PCDH15: variants seen among roughly 807,000 people sequenced by gnomAD.
The protein encoded by PCDH15 is protocadherin related 15, also known as protocadherin-15.
In PCDH15, 129 loss-of-function variants were observed where a neutral mutation model predicts 178.5. That is an observed-to-expected ratio of 0.72 (90% CI 0.63 to 0.84). The LOEUF (loss-of-function observed/expected upper bound fraction) is 0.84. Ranked by LOEUF, PCDH15 falls within the 40% of genes least tolerant of loss-of-function variation. The pLI, the probability that PCDH15 is intolerant of heterozygous loss-of-function variation, is 0.00. For missense variants in PCDH15, 2,230 were observed against 2,099.9 expected, an observed-to-expected ratio of 1.06 and a Z score of -1.21; for synonymous variants, 800 against 732.0, an observed-to-expected ratio of 1.09 and a Z score of -1.50.
chr10:55,474,584 A>G (rs1840027356), intron 2 of PCDH15, among the ~76,000 whole-genome samples: 2 of 152,184 alleles, frequency 1.3e-5, no homozygotes, highest in African/African-American at 4.8e-5. Context: ...CTCAAAATAT[A>G]AGTTATTGTA....
At chr10:55,619,633 T>G (rs1589191588) in intron 2 of PCDH15, among the ~76,000 whole-genome samples, 1 of 152,172 alleles carries the variant, frequency 6.6e-6, no homozygotes, top group South Asian at 2.1e-4. Flanking sequence ...GTACTTAAAG[T>G]AATAACTGGC....
intron 11 of PCDH15, among the ~76,000 whole-genome samples, chr10:54,187,776 T>A (rs1274798717): frequency 6.6e-6 from 1 of 151,874 alleles, no homozygotes; most frequent in Non-Finnish European, 1.5e-5. Context: ...TACATTTATG[T>A]ATATTTAAAA....
intron 2 of PCDH15, among the ~76,000 whole-genome samples, chr10:55,496,994 C>A (rs1332482613): frequency 6.6e-6 from 1 of 151,718 alleles, no homozygotes; most frequent in East Asian, 1.9e-4. Context: ...TTTATTTAAC[C>A]ACAGAATACT....
intron 3 of PCDH15, among the ~76,000 whole-genome samples, chr10:54,519,030 C>G (rs1243037578): frequency 6.6e-6 from 1 of 152,174 alleles, no homozygotes; most frequent in African/African-American, 2.4e-5. Flanking sequence ...GCTAAAAACT[C>G]TCAATAAATT....
chr10:54,499,979 A>G (rs553393484), intron 3 of PCDH15, among the ~76,000 whole-genome samples: 60 of 152,302 alleles, frequency 3.9e-4, no homozygotes, highest in Non-Finnish European at 7.5e-4. Flanking sequence ...TTTCTACCAA[A>G]AAGACACATG....
chr10:54,332,375 T>C (rs1253237921), intron 6 of PCDH15, among the ~76,000 whole-genome samples: 1 of 22,596 alleles, frequency 4.4e-5, no homozygotes, highest in Non-Finnish European at 1.1e-4. Flanking sequence ...ATTATATATA[T>C]AATATATATA....
intron 3 of PCDH15, among the ~76,000 whole-genome samples, chr10:54,407,833 A>T (rs1589250242): frequency 6.6e-6 from 1 of 152,114 alleles, no homozygotes; most frequent in Admixed American, 6.6e-5. Context: ...AGGCGGGTGG[A>T]TCACTTGAGG....
intron 3 of PCDH15, among the ~76,000 whole-genome samples, chr10:54,877,975 T>G (rs568019759): frequency 2.3e-4 from 18 of 76,668 alleles, no homozygotes; most frequent in South Asian, 1.1e-3. Context: ...TTTTTTTTTT[T>G]TTGTTGAAGT....
At chr10:54,182,672 AT>A (rs2133789881) in intron 13 of PCDH15, among the ~76,000 whole-genome samples, 1 of 152,250 alleles carries the variant, frequency 6.6e-6, no homozygotes, top group African/African-American at 2.4e-5. Context: ...CTCTGCTGTA[AT>A]GATTATATTT....
At chr10:54,482,851 A>T (rs572205639) in intron 3 of PCDH15, among the ~76,000 whole-genome samples, 17 of 151,938 alleles carry the variant, frequency 1.1e-4, no homozygotes, top group African/African-American at 3.6e-4. Context: ...CCAGAATCAG[A>T]AATGTAGGAA....
intron 2 of PCDH15, among the ~76,000 whole-genome samples, chr10:54,633,022 T>A (rs926709307): frequency 6.6e-6 from 1 of 152,140 alleles, no homozygotes; most frequent in Non-Finnish European, 1.5e-5. Context: ...AATGAAATTG[T>A]AAACTAAAGA....
intron 6 of PCDH15, among the ~76,000 whole-genome samples, chr10:54,343,757 G>A (rs376926721): frequency 3.8e-4 from 57 of 151,242 alleles, no homozygotes; most frequent in African/African-American, 1.2e-3. Flanking sequence ...TAACAAACCC[G>A]CACGTTGTGC....
intron 3 of PCDH15, chr10:54,452,541 T>C (rs1306319505): frequency 6.6e-6 from 1 of 152,118 alleles, no homozygotes; most frequent in Non-Finnish European, 1.5e-5. Context: ...AACTGATATG[T>C]ACTCCTAAGA....
intron 2 of PCDH15, among the ~76,000 whole-genome samples, chr10:55,075,366 ATTTT>A (rs34779284): frequency 7.6e-5 from 10 of 132,322 alleles, no homozygotes; most frequent in Non-Finnish European, 9.4e-5. Context: ...TTTTGTTTAA[ATTTT>A]TTTTTTTTTT....
At chr10:55,126,100 C>G (rs998255158) in intron 2 of PCDH15, among the ~76,000 whole-genome samples, 4 of 152,000 alleles carry the variant, frequency 2.6e-5, no homozygotes, top group Non-Finnish European at 5.9e-5. Flanking sequence ...CAAAACTCAG[C>G]CTTTTCCTCT....
At chr10:54,668,721 T>C (rs2094610420) in intron 1 of PCDH15, among the ~76,000 whole-genome samples, 3 of 152,190 alleles carry the variant, frequency 2.0e-5, no homozygotes, top group Non-Finnish European at 4.4e-5. Flanking sequence ...CAATGTTAAC[T>C]ATTTTTTAGC....
At chr10:54,111,840 AT>A (rs2095028662) in intron 15 of PCDH15, among the ~76,000 whole-genome samples, 1 of 152,010 alleles carries the variant, frequency 6.6e-6, no homozygotes, top group Non-Finnish European at 1.5e-5. Flanking sequence ...AAAGATAAAG[AT>A]CTTGGCCAGG....
At chr10:54,947,679 A>T (rs2131870623) in intron 2 of PCDH15, among the ~76,000 whole-genome samples, 1 of 151,946 alleles carries the variant, frequency 6.6e-6, no homozygotes, top group South Asian at 2.1e-4. Flanking sequence ...TTCAAATGAA[A>T]CTCAGCTTTC....
At chr10:54,796,991 A>T (rs1267886506) in intron 1 of PCDH15, among the ~76,000 whole-genome samples, 3 of 152,054 alleles carry the variant, frequency 2.0e-5, no homozygotes, top group Non-Finnish European at 4.4e-5. Context: ...GAAAAGGCTC[A>T]TTCTGACACC....
Sources: gnomAD v4.1 joint callset for allele counts (sites outside exome capture counted in the v4.1 genomes callset) on GRCh38, gnomAD v4.1.1 for gene constraint, MANE v1.5 for transcripts, NCBI Gene and HGNC (gene_info 2026-07-23, HGNC 2026-07-21) for gene names.